Variants in ASIP observed in about 807,000 individuals in gnomAD.
ASIP encodes the protein agouti-signaling protein.
A neutral mutation model predicts 10.3 loss-of-function variants in ASIP; 11 were observed. That is an observed-to-expected ratio of 1.07 (90% CI 0.68 to 1.78). The LOEUF (loss-of-function observed/expected upper bound fraction) is 1.78. Among genes scored for constraint, ASIP ranks in the 40% most tolerant of loss-of-function variants. ASIP has a pLI of 0.00. For missense variants in ASIP, 180 were observed against 169.2 expected (o/e 1.06, Z -0.35); for synonymous variants, 70 against 70.8 (o/e 0.99, Z 0.06).
intron 1 of ASIP, among the ~76,000 whole-genome samples, chr20:34,224,796 G>GA (rs1215060338): frequency 6.6e-6 from 1 of 151,598 alleles, no homozygotes; most frequent in African/African-American, 2.4e-5. Context: ...CAATCTCTGG[G>GA]AAAAAAGCAA....
chr20:34,216,128 C>T (rs893573473), intron 1 of ASIP, among the ~76,000 whole-genome samples: 1 of 152,256 alleles, frequency 6.6e-6, no homozygotes, highest in African/African-American at 2.4e-5. Flanking sequence ...ACGGAGTTGG[C>T]CGGGACTGCA....
chr20:34,268,953 C>T (rs2035838523), intron 3 of ASIP, 38 bp from the exon 4 acceptor site: 1 of 1,565,624 alleles, frequency 6.4e-7, no homozygotes, highest in Non-Finnish European at 8.7e-7. Context: ...GAGGGGTGGG[C>T]GTGGCCGGCT....
chr20:34,215,014 C>T, intron 1 of ASIP: 1 of 1,442,880 alleles, frequency 6.9e-7, no homozygotes, highest in Non-Finnish European at 9.8e-7. Context: ...CATCTTCTTC[C>T]TGGTCAATGC....
At position 34,218,591 on chromosome 20, in the gene ASIP, C is replaced by T. The variant is rs1252589226; in HGVS notation, c.-11+23831C>T. Among the ~76,000 whole-genome samples the T allele has an allele frequency of 2.0e-5, 3 of 152,074 alleles. No homozygotes were observed. The East Asian group carries it at 5.8e-4, about 29-fold the overall frequency. ...TCTGCTCACCCACCCTAGCTTAATC[C>T]CAGGAATTTTTCACAGTGCTGTCAT... On this transcript the variant is annotated intron_variant, in intron 1 of 3. Transcript: ENST00000568305.
At chr20:34,263,661 C>CT (rs200772515) in intron 3 of ASIP, among the ~76,000 whole-genome samples, 18,617 of 134,346 alleles carry the variant, frequency 0.14, 1,257 homozygotes, top group East Asian at 0.22. Context: ...TATTTTATGT[C>CT]TTTTTTTTTT....
intron 1 of ASIP, among the ~76,000 whole-genome samples, chr20:34,196,211 G>T (rs1024786164): frequency 2.7e-5 from 3 of 112,306 alleles, no homozygotes; most frequent in East Asian, 2.8e-4. Flanking sequence ...ACGGAATCCC[G>T]CTGTGTCGCC....
chr20:34,235,882 G>GA (rs1444708572), intron 1 of ASIP, among the ~76,000 whole-genome samples: 37 of 106,522 alleles, frequency 3.5e-4, no homozygotes, highest in African/African-American at 2.5e-3. Flanking sequence ...AGGAAGGAAG[G>GA]AAGGAAGGAA....
At chr20:34,233,555 A>C (rs894059446) in intron 1 of ASIP, among the ~76,000 whole-genome samples, 1 of 152,170 alleles carries the variant, frequency 6.6e-6, no homozygotes, top group Non-Finnish European at 1.5e-5. Flanking sequence ...AAACCTTCCA[A>C]AGGGTGAATT....
At chr20:34,236,928 A>T (rs1043739665), upstream of ASIP, among the ~76,000 whole-genome samples, 1 of 152,150 alleles carries the variant, frequency 6.6e-6, no homozygotes, top group Non-Finnish European at 1.5e-5. Context: ...GCATGTAGAT[A>T]TCCACTTTTC....
At position 34,222,471 on chromosome 20, in the gene ASIP, G is replaced by T. The variant is rs577744933; in HGVS notation, c.-11+27711G>T. ...GTATTGAGCAACTCTGAAACTAGAT[G>T]CAGAACAGATGTCGTTGTAGAAGCC... is the stretch of plus-strand genomic sequence containing the variant. On this transcript the variant is annotated intron_variant, in intron 1 of 3. Transcript: ENST00000568305. Among the ~76,000 whole-genome samples, 4 of 152,250 alleles carry T rather than the reference G, an allele frequency of 2.6e-5. No individual in the cohort carries two copies. The East Asian group carries it at 7.7e-4, about 29-fold the overall frequency.
intron 1 of ASIP, among the ~76,000 whole-genome samples, chr20:34,196,242 T>G (rs957644197): frequency 7.0e-6 from 1 of 143,158 alleles, no homozygotes; most frequent in Non-Finnish European, 1.5e-5. Flanking sequence ...TGCAGTGACG[T>G]GATCTCGGCT....
At chr20:34,218,973 A>G (rs1040776370) in intron 1 of ASIP, among the ~76,000 whole-genome samples, 3 of 152,128 alleles carry the variant, frequency 2.0e-5, no homozygotes, top group Non-Finnish European at 4.4e-5. Context: ...CCTTTTCAGC[A>G]ATTTTAACGT....
At chr20:34,220,919 T>C (rs889807246) in intron 1 of ASIP, among the ~76,000 whole-genome samples, 21 of 151,950 alleles carry the variant, frequency 1.4e-4, no homozygotes, top group African/African-American at 3.9e-4. Flanking sequence ...CATTCTCTGT[T>C]GTGTGGATGT....
At chr20:34,243,592 A>T (rs1039048883) in intron 1 of ASIP, among the ~76,000 whole-genome samples, 6 of 152,124 alleles carry the variant, frequency 3.9e-5, no homozygotes, top group Non-Finnish European at 8.8e-5. Flanking sequence ...AGGCACACAG[A>T]CATCTGCCAG....
intron 1 of ASIP, chr20:34,246,493 TG>T: frequency 7.3e-7 from 1 of 1,374,586 alleles, no homozygotes; most frequent in South Asian, 1.2e-5. Flanking sequence ...CACTGTTCCT[TG>T]GGTCTCCTTT....
rs1385333102 is a variant in ASIP at position 34,200,976 on chromosome 20, C to T, written c.-11+6216C>T. On this transcript the variant is annotated intron_variant, in intron 1 of 3. Transcript: ENST00000568305. ...TCTTTCTTTCTTTCTTTCTTTCCTT[C>T]CTTCCTTCCTTCCTTCCTTCCTTCC... Among the ~76,000 whole-genome samples the T allele has an allele frequency of 1.9e-3, 84 of 43,180 alleles. 3 individuals carry two copies. The highest frequency in any genetic ancestry group is 0.015 in the African/African-American group (73 of 4,780). 28.3% of individuals were successfully genotyped at this position (43,180 alleles called of 152,430 possible).
At chr20:34,248,960 A>G (rs1019951607) in intron 1 of ASIP, among the ~76,000 whole-genome samples, 2 of 141,998 alleles carry the variant, frequency 1.4e-5, no homozygotes, top group African/African-American at 5.5e-5. Flanking sequence ...TCTACCAAAA[A>G]TACAAAAAAA....
At chr20:34,190,207 C>T (rs765153393), upstream of ASIP, among the ~76,000 whole-genome samples, 1 of 152,114 alleles carries the variant, frequency 6.6e-6, no homozygotes, top group Non-Finnish European at 1.5e-5. Context: ...CCTGCCTGTC[C>T]GATAGATTGG....
At chr20:34,256,881 G>A (rs752060569) in intron 1 of ASIP, among the ~76,000 whole-genome samples, 1 of 151,950 alleles carries the variant, frequency 6.6e-6, no homozygotes, top group African/African-American at 2.4e-5. Flanking sequence ...CCTGGGGTCA[G>A]GTGATTCTCC....
Sources: gnomAD v4.1 joint callset for allele counts (sites outside exome capture counted in the v4.1 genomes callset) on GRCh38, gnomAD v4.1.1 for gene constraint, MANE v1.5 for transcripts, NCBI Gene and HGNC (gene_info 2026-07-23, HGNC 2026-07-21) for gene names.